Variants in ASXL2 observed in about 807,000 individuals in gnomAD.
ASXL2 encodes the protein ASXL transcriptional regulator 2, also known as putative Polycomb group protein ASXL2.
A neutral mutation model predicts 122.0 loss-of-function variants in ASXL2; 23 were observed. The observed-to-expected ratio is 0.19, with a 90% CI of 0.14 to 0.27. ASXL2 has a LOEUF of 0.27. ASXL2 is among the 10% of genes least tolerant of loss of function. The probability of loss-of-function intolerance (pLI) is 1.00; values close to 1 mark genes in which losing one functional copy is unlikely to be tolerated. For synonymous variants in ASXL2, 650 were observed against 637.0 expected (o/e 1.02, Z -0.31); for missense variants, 1,518 against 1,713.8 (o/e 0.89, Z 2.02).
At position 25,870,225 on chromosome 2, in the gene ASXL2, T is replaced by A. The variant is rs143129282; in HGVS notation, c.57+7941A>T. Among the ~76,000 whole-genome samples the A allele has an allele frequency of 4.1e-3, 618 of 152,154 alleles. 3 individuals carry two copies. The highest frequency in any genetic ancestry group is 6.4e-3 in the Non-Finnish European group (432 of 68,006). ...CCCCCATCTGTACAAAAAATAAAAA[T>A]TTTTATTAATAACCTGGTGGCCGGC... is the stretch of plus-strand genomic sequence containing the variant. On this transcript the variant is annotated intron_variant, in intron 1 of 12. Transcript: ENST00000435504.
chr2:25,866,288 G>A (rs572454994), intron 1 of ASXL2, among the ~76,000 whole-genome samples: 48 of 152,014 alleles, frequency 3.2e-4, no homozygotes, highest in Non-Finnish European at 5.7e-4. Context: ...ATGCCACCAC[G>A]CCCAGCTAAG....
intron 3 of ASXL2, among the ~76,000 whole-genome samples, chr2:25,813,473 G>C (rs1352566197): frequency 6.6e-6 from 1 of 152,192 alleles, no homozygotes; most frequent in Non-Finnish European, 1.5e-5. Context: ...ATTATATACA[G>C]TCTCATGTCA....
intron 12 of ASXL2, among the ~76,000 whole-genome samples, chr2:25,748,060 C>T (rs2087971353): frequency 6.6e-6 from 1 of 151,888 alleles, no homozygotes; most frequent in Non-Finnish European, 1.5e-5. Context: ...TGCCTATAAT[C>T]CTAGCTACTT....
intron 3 of ASXL2, among the ~76,000 whole-genome samples, chr2:25,827,984 C>T (rs1247856808): frequency 2.6e-5 from 4 of 151,656 alleles, no homozygotes; most frequent in Non-Finnish European, 4.4e-5. Context: ...CTAACATCTT[C>T]TAAAAAGCAT....
chr2:25,809,855 T>C (rs1394562635), intron 3 of ASXL2: 1 of 474,988 alleles, frequency 2.1e-6, no homozygotes, highest in Non-Finnish European at 4.1e-6. Context: ...AAGGTCAGCT[T>C]TGGGTAGGCT....
At chr2:25,829,581 G>A (rs527755646) in intron 3 of ASXL2, among the ~76,000 whole-genome samples, 1 of 152,260 alleles carries the variant, frequency 6.6e-6, no homozygotes, top group African/African-American at 2.4e-5. Context: ...TTGAACCAGA[G>A]TTACCAGTCC....
rs747012609 is a variant in ASXL2 at position 25,743,060 on chromosome 2, A to C, written c.3277T>G (p.Ser1093Ala). The change falls in exon 13 of 13, where the codon TCA becomes GCA. Residue 1093 changes from serine to alanine, a missense_variant. Physicochemically the swap from Ser to Ala is moderately conservative, Grantham distance 99. This residue lies in a region of ASXL2 where 831 missense variants were observed against 833.1 expected (regional missense o/e 1.00). Transcript: ENST00000435504. ...VPPSQFNFAH[S>A]GFQLEDISTS... is the part of the protein sequence containing the mutation. ...GAGATGTCTTCCAGCTGGAAACCTG[A>C]GTGAGCGAAGTTGAACTGTGAGGGC... 1.9e-6 allele frequency: 3 copies of C among 1,613,996 alleles called. No individual in the cohort carries two copies. The East Asian group carries it at 6.7e-5, about 36-fold the overall frequency.
chr2:25,778,844 C>CT (rs1055148519), intron 5 of ASXL2, among the ~76,000 whole-genome samples: 3 of 152,082 alleles, frequency 2.0e-5, no homozygotes, highest in African/African-American at 7.2e-5. Flanking sequence ...CCAACAAGCT[C>CT]TGACATCTTT....
At chr2:25,865,723 C>G (rs1450516281) in intron 1 of ASXL2, among the ~76,000 whole-genome samples, 1 of 133,228 alleles carries the variant, frequency 7.5e-6, no homozygotes, top group Non-Finnish European at 1.5e-5. Flanking sequence ...TGCAGTGAGC[C>G]GAGATCGCGC....
chr2:25,863,532 A>T (rs1239771570), intron 1 of ASXL2, among the ~76,000 whole-genome samples: 1 of 150,718 alleles, frequency 6.6e-6, no homozygotes, highest in Non-Finnish European at 1.5e-5. Context: ...CTCTACTAAA[A>T]TATACAAAAA....
chr2:25,826,179 G>A (rs899493298), intron 3 of ASXL2, among the ~76,000 whole-genome samples: 1 of 152,130 alleles, frequency 6.6e-6, no homozygotes, highest in Non-Finnish European at 1.5e-5. Context: ...GGGAAAATCT[G>A]GGGGGCTCTT....
chr2:25,810,510 CACCTCA>C, intron 3 of ASXL2: 1 of 746,192 alleles, frequency 1.3e-6, no homozygotes. Flanking sequence ...TCAAGGAGGC[CACCTCA>C]GCCTCAGCCT....
chr2:25,752,853 G>T (rs200018355), intron 11 of ASXL2, among the ~76,000 whole-genome samples: 2 of 113,428 alleles, frequency 1.8e-5, no homozygotes, highest in Admixed American at 9.4e-5. Context: ...CTCAAAAAAA[G>T]AAAAAAAAAA....
chr2:25,746,217 C>T (rs2087939288), intron 12 of ASXL2, among the ~76,000 whole-genome samples: 1 of 152,022 alleles, frequency 6.6e-6, no homozygotes, highest in African/African-American at 2.4e-5. Flanking sequence ...AAACATTTTT[C>T]ATTATTTGCA....
At chr2:25,777,623 C>T (rs1345118985) in intron 5 of ASXL2, among the ~76,000 whole-genome samples, 1 of 151,888 alleles carries the variant, frequency 6.6e-6, no homozygotes, top group Non-Finnish European at 1.5e-5. Context: ...TTAAACTTAT[C>T]TCTGTTGAGA....
intron 2 of ASXL2, 94 bp downstream of exon 2, chr2:25,845,387 T>C: frequency 7.5e-7 from 1 of 1,329,348 alleles, no homozygotes; most frequent in Non-Finnish European, 1.0e-6. Flanking sequence ...TATTATTAAG[T>C]AATTAATCTT....
chr2:25,742,680 A>C lies in ASXL2; in HGVS notation c.3657T>G (p.Thr1219=). The part of the protein sequence containing the change: ...DTSSGPHSRE[T]LSTSDCLASK... ...TAGCTAAGCAATCACTGGTAGATAGAGTTTCCCTGCTGTGAGGTCCTGAAC... is the reference window on the plus strand; with the variant it reads ...TAGCTAAGCAATCACTGGTAGATAGCGTTTCCCTGCTGTGAGGTCCTGAAC... Residue 1219 remains threonine, a synonymous_variant, in exon 13 of 13, where the codon ACT becomes ACG. Coordinates refer to ENST00000435504, the MANE Select transcript of ASXL2 (RefSeq NM_018263.6). 1 of 1,613,956 alleles carries C rather than the reference A, an allele frequency of 6.2e-7. No homozygotes were observed. The highest frequency in any genetic ancestry group is 8.5e-7 in the Non-Finnish European group (1 of 1,179,888).
intron 5 of ASXL2, among the ~76,000 whole-genome samples, chr2:25,788,910 G>A (rs764437780): frequency 1.3e-5 from 2 of 151,612 alleles, no homozygotes; most frequent in Admixed American, 6.6e-5. Context: ...ACTTCTTAAT[G>A]TACCCAGTAT....
In ASXL2 at chr2:25,867,064, C is replaced by T. The variant is rs865878353; in HGVS notation, c.57+11102G>A. On this transcript the variant is annotated intron_variant, in intron 1 of 12. Coordinates refer to ENST00000435504, the MANE Select transcript of ASXL2 (RefSeq NM_018263.6). Reference sequence around the variant, plus strand: ...TACAGGCATGTGCCACCATGCCTGGCTAATTTTGTATTTTTAGTAGAGACG... The same window carrying T: ...TACAGGCATGTGCCACCATGCCTGGTTAATTTTGTATTTTTAGTAGAGACG... Among the ~76,000 whole-genome samples the T allele has an allele frequency of 2.0e-5, 3 of 152,234 alleles. No individual in the cohort carries two copies. In the South Asian group the frequency reaches 6.2e-4, roughly 32 times the overall value.
Sources: gnomAD v4.1 joint callset for allele counts (sites outside exome capture counted in the v4.1 genomes callset) on GRCh38, gnomAD v4.1.1 for gene constraint, gnomAD v4.1.1 regional missense constraint, MANE v1.5 for transcripts, NCBI Gene and HGNC (gene_info 2026-07-23, HGNC 2026-07-21) for gene names.